Variants in DHX58 observed in about 807,000 individuals in gnomAD.
The protein encoded by DHX58 is ATP-dependent RNA helicase DHX58.
A neutral mutation model predicts 65.0 loss-of-function variants in DHX58; 51 were observed. The ratio of observed to expected loss-of-function variants is 0.78; its 90% confidence interval spans 0.63 to 0.99. DHX58 has a LOEUF of 0.99. Among genes scored for constraint, DHX58 ranks in the 50% least tolerant of loss-of-function variants. The pLI, the probability that DHX58 is intolerant of heterozygous loss-of-function variation, is 0.00. For missense variants in DHX58, 773 were observed against 891.8 expected (o/e 0.87, Z 1.70); for synonymous variants, 350 against 365.0 (o/e 0.96, Z 0.47).
Position 42,112,098 on chromosome 17 carries a change from C to T in DHX58, c.-2+15G>A. 1 of 593,844 alleles carries T rather than the reference C, an allele frequency of 1.7e-6. No individual in the cohort carries two copies. The highest frequency in any genetic ancestry group is 2.8e-6 in the Non-Finnish European group (1 of 354,562). 36.8% of individuals were successfully genotyped at this position (593,844 alleles called of 1,614,324 possible). ...ACACAGGCTACACCTGCCCCCTGCCCAGCCCAGGACTCACCTGCTCTAGTA... is the reference window on the plus strand; with the variant it reads ...ACACAGGCTACACCTGCCCCCTGCCTAGCCCAGGACTCACCTGCTCTAGTA... On this transcript the variant is annotated intron_variant, in intron 2 of 13. Transcript: ENST00000251642.
Position 42,104,245 on chromosome 17 carries a change from G to A in DHX58, c.1564-447C>T, listed in dbSNP as rs145927537. ...AAACAGCTATGGAGAAAAACAGTAT[G>A]AGTAGTCGGGGGCAACAGTGGGAGG... On this transcript the variant is annotated intron_variant, in intron 11 of 13. Coordinates refer to ENST00000251642, the MANE Select transcript of DHX58 (RefSeq NM_024119.3). Among the ~76,000 whole-genome samples, 5 of 152,066 alleles carry A rather than the reference G, an allele frequency of 3.3e-5. No individual in the cohort carries two copies. The East Asian group carries it at 5.8e-4, about 18-fold the overall frequency.
At chr17:42,102,493 C>T (rs781874649) in intron 12 of DHX58, 181 bp from the exon 13 acceptor site, 92 of 585,786 alleles carry the variant, frequency 1.6e-4, no homozygotes, top group Non-Finnish European at 2.5e-4. Context: ...CTCCATCGCA[C>T]GTTCCCTTGT....
At chr17:42,106,517 G>T (rs1555662717) in intron 8 of DHX58, among the ~76,000 whole-genome samples, 1 of 152,092 alleles carries the variant, frequency 6.6e-6, no homozygotes. Context: ...GGATGCCCTG[G>T]CCGGGTGCAT....
chr17:42,111,236 G>C, intron 4 of DHX58, 60 bp downstream of exon 4: 3 of 1,570,616 alleles, frequency 1.9e-6, no homozygotes, highest in South Asian at 1.2e-5. Context: ...AGGTGCCCTG[G>C]GGTTGGCGAA....
chr17:42,111,265 G>T (rs781783638), intron 4 of DHX58, 31 bp downstream of exon 4: 3 of 1,599,710 alleles, frequency 1.9e-6, no homozygotes, highest in South Asian at 2.2e-5. Context: ...CCCCAGATGC[G>T]TATCTTTTTC....
At chr17:42,111,080 ATTAG>A (rs1215656712) in intron 4 of DHX58, among the ~76,000 whole-genome samples, 167 bp from the exon 5 acceptor site, 1 of 152,128 alleles carries the variant, frequency 6.6e-6, no homozygotes, top group Non-Finnish European at 1.5e-5. Context: ...CATTTCACAG[ATTAG>A]TAAACCGAGG....
At position 42,105,794 on chromosome 17, in the gene DHX58, A is replaced by C. The variant is rs782679234; in HGVS notation, c.1193T>G (p.Ile398Ser). The change falls in exon 9 of 14, where the codon ATC (isoleucine) becomes AGC (serine). Residue 398 changes from isoleucine (I) to serine (S), a missense_variant. Physicochemically the swap from Ile to Ser is moderately radical, Grantham distance 142 (BLOSUM62 -2). Transcript: ENST00000251642. The stretch of plus-strand genomic sequence containing the variant: ...AGCCCCAATCAGTAGCTGGGCCCGG[A>C]TGTCCACAGTCTGCAGGCCCTGCTG... ...QQQQGLQTVD[I>S]RAQLLIGAGN... 8.7e-6 allele frequency: 14 copies of C among 1,612,644 alleles called. No homozygotes were observed. The highest frequency in any genetic ancestry group is 1.2e-5 in the Non-Finnish European group (14 of 1,179,328).
chr17:42,112,215 G>T lies in DHX58; in HGVS notation c.-94-10C>A. ...AAGATGGAAACTGAAACTGAGGGAA[G>T]GAGCCAGCTGAGCCGACTTAGGAAT... On this transcript the variant is annotated splice_polypyrimidine_tract_variant and intron_variant, in intron 1 of 13. Transcript: ENST00000251642. 1 of 237,440 alleles carries T rather than the reference G, an allele frequency of 4.2e-6. No homozygotes were observed. Among genetic ancestry groups the T allele is most frequent in the Non-Finnish European group, 8.1e-6 (1 of 123,408 alleles). 14.7% of individuals were successfully genotyped at this position (237,440 alleles called of 1,614,324 possible). A position where few individuals can be genotyped will look rare whatever the true frequency, so the allele number is the denominator to read the frequency against.
intron 11 of DHX58, 77 bp from the exon 12 acceptor site, chr17:42,103,875 CT>C: frequency 6.8e-7 from 1 of 1,477,042 alleles, no homozygotes. Context: ...TCCCAAAGAA[CT>C]AAGATCATTT....
chr17:42,101,817 C>A lies in DHX58; in HGVS notation c.1981G>T (p.Asp661Tyr), dbSNP rs1156677045. 3 of 1,614,236 alleles carry A rather than the reference C, an allele frequency of 1.9e-6. No individual in the cohort carries two copies. Among genetic ancestry groups the A allele is most frequent in the East Asian group, 4.5e-5 (2 of 44,884 alleles). The stretch of plus-strand genomic sequence containing the variant: ...GCACAATGCTGCAGGAAGTCAAAGT[C>A]AGGCACGGAGAAGGGCACGCGGGAC... ...KWSRVPFSVP[D>Y]FDFLQHCAEN... The change falls in exon 14 of 14, where the codon GAC (aspartate) becomes TAC (tyrosine). Residue 661 changes from aspartate (D) to tyrosine (Y), a missense_variant. By Grantham distance (160) the Asp-to-Tyr change is radical (BLOSUM62 -3). Transcript: ENST00000251642.
At position 42,111,180 on chromosome 17, in the gene DHX58, G is replaced by A. The variant is rs1317788850; in HGVS notation, c.370+116C>T. ...AGTGCCTGCAGGGGTTTTGTGAACA[G>A]GCAACCCCTCACTCCCACTAAAACT... On this transcript the variant is annotated intron_variant, in intron 4 of 13. Transcript: ENST00000251642. 8 of 1,338,318 alleles carry A rather than the reference G, an allele frequency of 6.0e-6. No homozygotes were observed. The African/African-American group carries it at 1.2e-4, about 19-fold the overall frequency. 82.9% of individuals were successfully genotyped at this position (1,338,318 alleles called of 1,614,324 possible).
intron 5 of DHX58, 108 bp from the exon 6 acceptor site, chr17:42,109,494 G>C (rs998588675): frequency 3.4e-6 from 3 of 883,730 alleles, no homozygotes; most frequent in Non-Finnish European, 3.5e-6. Flanking sequence ...GTGGGCATTC[G>C]TCTACTCAAA....
Position 42,101,890 on chromosome 17 carries a change from G to T in DHX58, c.1908C>A (p.Arg636=). The change falls in exon 14 of 14, where the codon CGC becomes CGA. Residue 636 remains arginine (R), a synonymous_variant. Coordinates refer to ENST00000251642, the MANE Select transcript of DHX58 (RefSeq NM_024119.3). The part of the protein sequence containing the change: ...KSVKLPVLKV[R]SMLLETPQGR... ...CCTGAGGGGTCTCCAGCAGCATGCT[G>T]CGGACTTTGAGCACTGGCAGCTTCA... 6.2e-7 allele frequency: 1 copy of T among 1,614,226 alleles called. No individual in the cohort carries two copies. The highest frequency in any genetic ancestry group is 1.1e-5 in the South Asian group (1 of 91,082).
At position 42,102,205 on chromosome 17, in the gene DHX58, T is replaced by C; in HGVS notation, c.1851+11A>G. Reference sequence around the variant, plus strand: ...GGACTCTGGGGCCTGGGACGTGGCCTAAGCTCTTACCTCCCCACAGTTCCT... The same window carrying C: ...GGACTCTGGGGCCTGGGACGTGGCCCAAGCTCTTACCTCCCCACAGTTCCT... On this transcript the variant is annotated intron_variant, in intron 13 of 13. Transcript: ENST00000251642. 6.2e-7 allele frequency: 1 copy of C among 1,614,036 alleles called. No individual in the cohort carries two copies. Among genetic ancestry groups the C allele is most frequent in the Non-Finnish European group, 8.5e-7 (1 of 1,179,908 alleles).
In DHX58 at chr17:42,103,761, G is replaced by A. The variant is rs202112076; in HGVS notation, c.1601C>T (p.Ala534Val). ...GTTCTCCCGCTGGGCTGCCTGGGCC[G>A]CCCGCTTGGTCAAGGCTGCCTGCTG... is the stretch of plus-strand genomic sequence containing the variant. ...DLQQAALTKR[A>V]AQAAQRENQR... The change falls in exon 12 of 14, where the codon GCG becomes GTG. Residue 534 changes from alanine to valine, a missense_variant. Physicochemically the swap from Ala to Val is moderately conservative, Grantham distance 64 (BLOSUM62 0). Coordinates refer to ENST00000251642, the MANE Select transcript of DHX58 (RefSeq NM_024119.3). 5.0e-5 allele frequency: 81 copies of A among 1,610,996 alleles called. No homozygotes were observed. Among genetic ancestry groups the A allele is most frequent in the African/African-American group, 1.3e-4 (10 of 75,036 alleles).
Position 42,102,255 on chromosome 17 carries a change from C to G in DHX58, c.1812G>C (p.Trp604Cys), listed in dbSNP as rs1555661685. The G allele has an allele frequency of 6.2e-7, 1 of 1,614,186 alleles. No individual in the cohort carries two copies. The highest frequency in any genetic ancestry group is 8.5e-7 in the Non-Finnish European group (1 of 1,180,018). The change falls in exon 13 of 14, where the codon TGG (tryptophan) becomes TGC (cysteine). Residue 604 changes from tryptophan (W) to cysteine (C), a missense_variant. Trp to Cys is a radical substitution (Grantham distance 215). Coordinates refer to ENST00000251642, the MANE Select transcript of DHX58 (RefSeq NM_024119.3). ...TGCAGCTGATGACACCCCCAGGCTT[C>G]CAGTCCTTGAAGACTTTGTTGATGA... ...PVVINKVFKD[W>C]KPGGVISCRN...
intron 8 of DHX58, among the ~76,000 whole-genome samples, 165 bp from the exon 9 acceptor site, chr17:42,106,154 G>C (rs797042983): frequency 8.2e-5 from 12 of 146,224 alleles, no homozygotes; most frequent in African/African-American, 3.0e-4. Context: ...GTGAGACTCT[G>C]TCTGGGAAAA....
At chr17:42,104,624 T>C (rs1259120142) in intron 11 of DHX58, 142 bp downstream of exon 11, 2 of 1,095,418 alleles carry the variant, frequency 1.8e-6, no homozygotes, top group Non-Finnish European at 2.6e-6. Context: ...CCCCGGCCCT[T>C]ATTTAAACCT....
Position 42,107,585 on chromosome 17 carries a change from G to GCCCCCACC in DHX58, c.997+18_997+19insGGTGGGGG. On this transcript the variant is annotated intron_variant, in intron 8 of 13. Coordinates refer to ENST00000251642, the MANE Select transcript of DHX58 (RefSeq NM_024119.3). ...AGGTCCCATCATCCCCGGCCCCGAAGCCCCCTCCCGCCCCTCACCATCGAA... is the reference window on the plus strand; with the variant it reads ...AGGTCCCATCATCCCCGGCCCCGAAGCCCCCACCCCCCCTCCCGCCCCTCACCATCGAA... The GCCCCCACC allele has an allele frequency of 8.4e-7, 1 of 1,193,360 alleles. No homozygotes were observed. Among genetic ancestry groups the GCCCCCACC allele is most frequent in the Non-Finnish European group, 1.2e-6 (1 of 854,248 alleles). 73.9% of individuals were successfully genotyped at this position (1,193,360 alleles called of 1,614,324 possible). A position where few individuals can be genotyped will look rare whatever the true frequency, so the allele number is the denominator to read the frequency against.
Sources: gnomAD v4.1 joint callset for allele counts (sites outside exome capture counted in the v4.1 genomes callset) on GRCh38, gnomAD v4.1.1 for gene constraint, MANE v1.5 for transcripts, NCBI Gene and HGNC (gene_info 2026-07-23, HGNC 2026-07-21) for gene names.